Variants in TXNRD1 observed in about 807,000 individuals in gnomAD.
TXNRD1 encodes thioredoxin reductase 1, cytoplasmic.
A neutral mutation model predicts 80.3 loss-of-function variants in TXNRD1; 57 were observed. That is an observed-to-expected ratio of 0.71 (90% CI 0.57 to 0.89). TXNRD1 has a LOEUF of 0.89. Among genes scored for constraint, TXNRD1 ranks in the 40% least tolerant of loss-of-function variants. The pLI is 0.00. For missense variants in TXNRD1, 730 were observed against 803.0 expected (o/e 0.91, Z 1.10); for synonymous variants, 291 against 285.2 (o/e 1.02, Z -0.20).
chr12:104,338,747 C>T (rs2036226593), intron 15 of TXNRD1, among the ~76,000 whole-genome samples: 5 of 151,770 alleles, frequency 3.3e-5, no homozygotes, highest in South Asian at 2.1e-4. Context: ...GATGGAGTCT[C>T]GCTCTGTCGT....
At chr12:104,314,318 T>C (rs920734577) in intron 6 of TXNRD1, among the ~76,000 whole-genome samples, 12 of 152,220 alleles carry the variant, frequency 7.9e-5, no homozygotes, top group Admixed American at 5.9e-4. Flanking sequence ...TAAAGATTAC[T>C]TGGCTGCTTG....
At chr12:104,332,925 GTA>G (rs138487532) in intron 14 of TXNRD1, among the ~76,000 whole-genome samples, 10,685 of 150,808 alleles carry the variant, frequency 0.071, 643 homozygotes, top group African/African-American at 0.16. Flanking sequence ...TATATTTTAT[GTA>G]TATATATATG....
Position 104,315,910 on chromosome 12 carries a change from A to G in TXNRD1, c.730+14A>G, listed in dbSNP as rs1159877863. The stretch of plus-strand genomic sequence containing the variant: ...TCGAGGAGACAGGTATGAGAGGGAA[A>G]AGCTACTCTTCTGTTTGTGCTTTTG... On this transcript the variant is annotated intron_variant, in intron 7 of 16. Coordinates refer to ENST00000525566, the MANE Select transcript of TXNRD1 (RefSeq NM_001093771.3). 1.2e-6 allele frequency: 2 copies of G among 1,605,264 alleles called. No individual in the cohort carries two copies. The highest frequency in any genetic ancestry group is 2.7e-5 in the African/African-American group (2 of 74,658).
intron 3 of TXNRD1, among the ~76,000 whole-genome samples, chr12:104,271,637 C>T (rs2033654892): frequency 6.6e-6 from 1 of 152,074 alleles, no homozygotes; most frequent in Non-Finnish European, 1.5e-5. Flanking sequence ...ATTGATCAGT[C>T]AGGGTGGGGC....
intron 2 of TXNRD1, among the ~76,000 whole-genome samples, chr12:104,254,644 A>AAAAAAAAAAAAAAAAAATATATAT: frequency 2.1e-5 from 2 of 93,636 alleles, no homozygotes; most frequent in Non-Finnish European, 1.9e-5. Flanking sequence ...AAAAAAAAAA[A>AAAAAAAAAAAAAAAAAATATATAT]ATATATATAT....
intron 4 of TXNRD1, chr12:104,309,898 T>C (rs1244115927): frequency 3.3e-6 from 5 of 1,535,908 alleles, no homozygotes; most frequent in Non-Finnish European, 3.5e-6. Context: ...GGTTTCCAGG[T>C]GTTCTCCCTT....
intron 1 of TXNRD1, among the ~76,000 whole-genome samples, chr12:104,226,592 C>T (rs186525689): frequency 1.3e-3 from 192 of 152,220 alleles, no homozygotes; most frequent in African/African-American, 4.2e-3. Context: ...GTGAAGAGAA[C>T]GGAATTCTAG....
Position 104,267,247 on chromosome 12 carries a change from C to CTTTCTTTCTTT in TXNRD1, c.304+9169_304+9179dup, listed in dbSNP as rs1555209195. Among the ~76,000 whole-genome samples the CTTTCTTTCTTT allele has an allele frequency of 3.2e-5, 4 of 124,034 alleles. No homozygotes were observed. In the Admixed American group the frequency reaches 3.5e-4, roughly 11 times the overall value. 81.4% of individuals were successfully genotyped at this position (124,034 alleles called of 152,430 possible). On this transcript the variant is annotated intron_variant, in intron 3 of 16. Coordinates refer to ENST00000525566, the MANE Select transcript of TXNRD1 (RefSeq NM_001093771.3). ...TAGCTCTTTATTTTCTTTTCTCTTTCTTTCTTTCTTTCTTTCTTTCTTTCT... is the reference window on the plus strand; with the variant it reads ...TAGCTCTTTATTTTCTTTTCTCTTTCTTTCTTTCTTTTTTCTTTCTTTCTTTCTTTCTTTCT...
chr12:104,275,549 A>G (rs2033740125), intron 3 of TXNRD1, among the ~76,000 whole-genome samples: 2 of 151,762 alleles, frequency 1.3e-5, no homozygotes, highest in South Asian at 4.2e-4. Flanking sequence ...ATGCCTGGCT[A>G]ATTTTGTATT....
At chr12:104,285,876 G>T (rs1193404768) in intron 3 of TXNRD1, 2 of 152,084 alleles carry the variant, frequency 1.3e-5, no homozygotes, top group African/African-American at 2.4e-5. Context: ...TCCATTCTCT[G>T]TTCTAGGGAC....
intron 1 of TXNRD1, among the ~76,000 whole-genome samples, chr12:104,249,172 G>A (rs1025808609): frequency 3.3e-5 from 5 of 152,298 alleles, no homozygotes; most frequent in African/African-American, 7.2e-5. Context: ...TAGATTCCAC[G>A]TCTGGTGAGG....
intron 4 of TXNRD1, among the ~76,000 whole-genome samples, chr12:104,295,734 C>T (rs185443589): frequency 7.6e-4 from 115 of 152,306 alleles, no homozygotes; most frequent in African/African-American, 2.5e-3. Context: ...TTCCTTTCCT[C>T]CTCTGTTCCC....
chr12:104,303,713 C>G, intron 4 of TXNRD1: 1 of 702,464 alleles, frequency 1.4e-6, no homozygotes, highest in Non-Finnish European at 2.2e-6. Flanking sequence ...GGGGGCGGGT[C>G]GCGCCGGGCC....
chr12:104,307,989 C>A (rs2034988933), intron 4 of TXNRD1, among the ~76,000 whole-genome samples: 1 of 150,668 alleles, frequency 6.6e-6, no homozygotes, highest in Non-Finnish European at 1.5e-5. Context: ...TGCTGTTTGC[C>A]CTTTTCTTTC....
rs1366999082 is a variant in TXNRD1, at chr12:104,349,428, TGTG to T, written c.*1010_*1012del. The T allele has an allele frequency of 6.5e-6, 1 of 152,674 alleles. No individual in the cohort carries two copies. The highest frequency in any genetic ancestry group is 1.5e-5 in the Non-Finnish European group (1 of 68,046). 9.5% of individuals were successfully genotyped at this position (152,674 alleles called of 1,614,324 possible). On this transcript the variant is annotated 3_prime_UTR_variant, in exon 17 of 17. Coordinates refer to ENST00000525566, the MANE Select transcript of TXNRD1 (RefSeq NM_001093771.3). ...TTTCATGCTTATGATTTAGCTGTTTTGTGGTAATTGCTTTTTAAAGGAAGTTAT... is the reference window on the plus strand; with the variant it reads ...TTTCATGCTTATGATTTAGCTGTTTTGTAATTGCTTTTTAAAGGAAGTTAT...
intron 15 of TXNRD1, among the ~76,000 whole-genome samples, chr12:104,338,386 A>G (rs1435839565): frequency 2.0e-5 from 3 of 151,682 alleles, no homozygotes; most frequent in Non-Finnish European, 4.4e-5. Context: ...AGCTGTTAGC[A>G]GCAGTCATTA....
At chr12:104,292,940 G>C (rs1192815997) in intron 4 of TXNRD1, among the ~76,000 whole-genome samples, 1 of 152,166 alleles carries the variant, frequency 6.6e-6, no homozygotes, top group Non-Finnish European at 1.5e-5. Context: ...ACAATGAATA[G>C]AAAAATAGGG....
intron 1 of TXNRD1, among the ~76,000 whole-genome samples, chr12:104,236,732 A>G (rs7978101): frequency 0.89 from 134,076 of 149,968 alleles, 60,251 homozygotes; most frequent in African/African-American, 0.98. Flanking sequence ...GAGCTGTGGT[A>G]AGCTGAGATT....
chr12:104,302,742 G>T (rs1000293297), intron 4 of TXNRD1, among the ~76,000 whole-genome samples: 2 of 152,124 alleles, frequency 1.3e-5, no homozygotes, highest in African/African-American at 2.4e-5. Context: ...GCCCGCCTCG[G>T]CCTCCCAAAG....
Sources: allele counts gnomAD v4.1 joint callset (sites outside exome capture counted in the v4.1 genomes callset), GRCh38; gene constraint gnomAD v4.1.1; transcripts MANE v1.5; gene names NCBI Gene and HGNC (gene_info 2026-07-23, HGNC 2026-07-21).